The following USH1C variants were observed in gnomAD, a reference collection of about 807,000 sequenced individuals.
USH1C encodes the protein harmonin.
USH1C carries 90 observed loss-of-function variants against 119.3 expected under a neutral mutation model. The observed-to-expected ratio is 0.75, with a 90% CI of 0.64 to 0.90. USH1C has a LOEUF of 0.90. Ranked by LOEUF, USH1C falls within the 40% of genes least tolerant of loss-of-function variation. The pLI is 0.00. For missense variants in USH1C, 1,165 were observed against 1,167.7 expected, an observed-to-expected ratio of 1.00 and a Z score of 0.03; for synonymous variants, 465 against 443.3, an observed-to-expected ratio of 1.05 and a Z score of -0.62.
chr11:17,502,252 C>T (rs558677771), intron 20 of USH1C, among the ~76,000 whole-genome samples: 67 of 152,188 alleles, frequency 4.4e-4, no homozygotes, highest in Middle Eastern at 3.4e-3. Flanking sequence ...GCTGCAGGGG[C>T]ACCAGTGACG....
chr11:17,500,913 G>A (rs377221078), intron 23 of USH1C, 138 bp downstream of exon 23: 13 of 748,454 alleles, frequency 1.7e-5, no homozygotes, highest in East Asian at 1.6e-4. Flanking sequence ...ACAGGCAGTC[G>A]GATGGATGGA....
chr11:17,510,744 G>A (rs189124740), intron 16 of USH1C, among the ~76,000 whole-genome samples: 2 of 152,162 alleles, frequency 1.3e-5, no homozygotes, highest in East Asian at 1.9e-4. Flanking sequence ...GAACTTGTAG[G>A]CAAAATCAGA....
intron 14 of USH1C, 138 bp downstream of exon 14, chr11:17,520,732 C>T (rs748754278): frequency 1.9e-6 from 2 of 1,060,612 alleles, no homozygotes; most frequent in African/African-American, 3.1e-5. Flanking sequence ...TGGTCTCTGA[C>T]CCACAGCTGC....
chr11:17,496,623 G>A, intron 25 of USH1C, 135 bp downstream of exon 25: 1 of 1,105,274 alleles, frequency 9.0e-7, no homozygotes, highest in Non-Finnish European at 1.4e-6. Context: ...TTTTCTAGGA[G>A]CTCTGGCTAT....
At chr11:17,539,540 G>A (rs751073704) in intron 1 of USH1C, among the ~76,000 whole-genome samples, 2 of 152,162 alleles carry the variant, frequency 1.3e-5, no homozygotes, top group Non-Finnish European at 2.9e-5. Context: ...AGTAAGTCCT[G>A]TGTTTGTTAC....
chr11:17,504,726 C>T (rs1430749593), intron 19 of USH1C, 29 bp from the exon 20 acceptor site: 1 of 1,609,894 alleles, frequency 6.2e-7, no homozygotes, highest in African/African-American at 1.3e-5. Context: ...AAAAGTTCCA[C>T]ATTGGATGTT....
rs1193648847 is a variant in USH1C at position 17,531,436 on chromosome 11, G to T, written c.211C>A (p.Gln71Lys). Reference protein sequence around the residue: ...AIRPLIPLKHQVEYDQLTPRR... With the variant: ...AIRPLIPLKHKVEYDQLTPRR... ...GGGGTCAGCTGATCATATTCCACCT[G>T]GTGCTTCAGTGGGATCAGCGGCCGA... The change falls in exon 3 of 27, where the codon CAG (glutamine) becomes AAG (lysine). Residue 71 changes from glutamine (Q) to lysine (K), a missense_variant. Transcript: ENST00000005226. The surrounding 1 kb of genome is among the most constrained non-coding windows in gnomAD (Gnocchi z 4.2). 1 of 1,614,058 alleles carries T rather than the reference G, an allele frequency of 6.2e-7. No individual in the cohort carries two copies. The highest frequency in any genetic ancestry group is 1.1e-5 in the South Asian group (1 of 91,056).
chr11:17,500,602 A>T (rs1193539410), intron 23 of USH1C, among the ~76,000 whole-genome samples: 1 of 152,062 alleles, frequency 6.6e-6, no homozygotes, highest in African/African-American at 2.4e-5. Context: ...TCTTCCTCGA[A>T]AGCCCTTTCT....
At position 17,517,449 on chromosome 11, in the gene USH1C, G is replaced by A. The variant is rs755834769; in HGVS notation, c.1211-1159C>T. On this transcript the variant is annotated intron_variant, in intron 14 of 26. Transcript: ENST00000005226. ...CTCCATCCAGGTCATCTGCGGGCTC[G>A]AGCTCAGGTTCCACTCCCTGATCAT... is the stretch of plus-strand genomic sequence containing the variant. The A allele has an allele frequency of 6.3e-6, 10 of 1,595,604 alleles. No homozygotes were observed. The Admixed American group carries it at 6.9e-5, about 11-fold the overall frequency.
chr11:17,523,505 T>C, intron 9 of USH1C, 27 bp from the exon 10 acceptor site: 4 of 1,612,902 alleles, frequency 2.5e-6, no homozygotes, highest in Non-Finnish European at 3.4e-6. Flanking sequence ...GAAAGATTAG[T>C]GTGTTTGCGC....
rs749332615 is a variant in USH1C at position 17,505,848 on chromosome 11, A to C, written c.2115T>G (p.Ala705=). The C allele has an allele frequency of 6.2e-7, 1 of 1,614,140 alleles. No homozygotes were observed. The highest frequency in any genetic ancestry group is 1.1e-5 in the South Asian group (1 of 91,076). The change falls in exon 19 of 27, where the codon GCT becomes GCG. Residue 705 remains alanine (A), a synonymous_variant. Coordinates refer to ENST00000005226, the MANE Select transcript of USH1C (RefSeq NM_153676.4). ...HQEPNFIYRP[A]VKSEVLPQEM... Reference sequence around the variant, plus strand: ...GGCTTACCAGAACTTCAGATTTCACAGCTGGCCTGTAGATGAAATTGGGCT... The same window carrying C: ...GGCTTACCAGAACTTCAGATTTCACCGCTGGCCTGTAGATGAAATTGGGCT...
Position 17,509,854 on chromosome 11 carries a change from G to A in USH1C, c.1531-16C>T, listed in dbSNP as rs12807325. On this transcript the variant is annotated splice_polypyrimidine_tract_variant and intron_variant, in intron 17 of 26. Coordinates refer to ENST00000005226, the MANE Select transcript of USH1C (RefSeq NM_153676.4). ...CTGTGGTCATCTGGGGGTGTTGCAA[G>A]GAAGTTCTGTAATTGTCACTCTGCT... is the stretch of plus-strand genomic sequence containing the variant. 25 of 1,586,482 alleles carry A rather than the reference G, an allele frequency of 1.6e-5. No homozygotes were observed. The highest frequency in any genetic ancestry group is 2.1e-5 in the Non-Finnish European group (25 of 1,172,812).
At chr11:17,514,244 G>T (rs914151759) in intron 15 of USH1C, among the ~76,000 whole-genome samples, 15 of 152,106 alleles carry the variant, frequency 9.9e-5, no homozygotes, top group Admixed American at 2.0e-4. Context: ...CTTGAGACAG[G>T]GTCCTGCTCT....
At chr11:17,516,156 TTGATAG>T in intron 15 of USH1C, 79 bp downstream of exon 15, 1 of 1,455,924 alleles carries the variant, frequency 6.9e-7, no homozygotes, top group Admixed American at 1.8e-5. Context: ...CCATTTAGTG[TTGATAG>T]GACAAGGAAT....
At chr11:17,508,130 A>G (rs1222533795) in intron 18 of USH1C, among the ~76,000 whole-genome samples, 1 of 152,208 alleles carries the variant, frequency 6.6e-6, no homozygotes, top group African/African-American at 2.4e-5. Context: ...ATCTTGATGG[A>G]GGCCACTTAC....
Position 17,544,137 on chromosome 11 carries a change from C to T in USH1C, c.36+135G>A. 4 of 1,177,834 alleles carry T rather than the reference C, an allele frequency of 3.4e-6. No homozygotes were observed. In the South Asian group the frequency reaches 5.1e-5, roughly 15 times the overall value. 73.0% of individuals were successfully genotyped at this position (1,177,834 alleles called of 1,614,324 possible). A position where few individuals can be genotyped will look rare whatever the true frequency, so the allele number is the denominator to read the frequency against. ...GATCCCTGCTGCCAGCCAGACGACC[C>T]TCGGGTGTCCCAGCCCAACCAGAGC... is the stretch of plus-strand genomic sequence containing the variant. On this transcript the variant is annotated intron_variant, in intron 1 of 26. Transcript: ENST00000005226.
chr11:17,529,861 C>T (rs74690518), intron 4 of USH1C, among the ~76,000 whole-genome samples: 3,414 of 152,314 alleles, frequency 0.022, 54 homozygotes, highest in Non-Finnish European at 0.031. Flanking sequence ...AATACCCCAA[C>T]GCCCCCAGTC....
chr11:17,519,525 GT>G (rs1308276938), intron 14 of USH1C, among the ~76,000 whole-genome samples: 2 of 152,202 alleles, frequency 1.3e-5, no homozygotes, highest in Non-Finnish European at 2.9e-5. Flanking sequence ...TTCTTGGAAG[GT>G]ACCAAATTGA....
Position 17,531,569 on chromosome 11 carries a change from GC to G in USH1C, c.105-28del. ...TGTGGAGATGCCGGGAATGCCTGGA[GC>G]CTCACCCCTGGCCATGACCTCAGGC... On this transcript the variant is annotated intron_variant, in intron 2 of 26. Transcript: ENST00000005226. The surrounding 1 kb of genome is among the most constrained non-coding windows in gnomAD (Gnocchi z 4.2). The G allele has an allele frequency of 6.2e-7, 1 of 1,610,864 alleles. No homozygotes were observed. Among genetic ancestry groups the G allele is most frequent in the South Asian group, 1.1e-5 (1 of 90,818 alleles).
Sources: gnomAD v4.1 joint callset for allele counts (sites outside exome capture counted in the v4.1 genomes callset) on GRCh38, gnomAD v4.1.1 for gene constraint, Gnocchi (gnomAD v3.1) non-coding constraint, MANE v1.5 for transcripts, NCBI Gene and HGNC (gene_info 2026-07-23, HGNC 2026-07-21) for gene names.